The following NKD1 variants were observed in gnomAD, a reference collection of about 807,000 sequenced individuals.
NKD1 encodes NKD inhibitor of Wnt signaling pathway 1.
In NKD1, 21 loss-of-function variants were observed where a neutral mutation model predicts 56.0. The observed-to-expected ratio is 0.38, with a 90% CI of 0.27 to 0.54. The LOEUF (loss-of-function observed/expected upper bound fraction) is 0.54. Among genes scored for constraint, NKD1 ranks in the 20% least tolerant of loss-of-function variants. NKD1 has a pLI of 0.82. For missense variants in NKD1, 578 were observed against 642.7 expected (o/e 0.90, Z 1.09); for synonymous variants, 263 against 265.7 (o/e 0.99, Z 0.10).
chr16:50,644,111 C>G lies in NKD1; in HGVS notation c.*10330C>G, dbSNP rs1596772994. 2 of 152,392 alleles carry G rather than the reference C, an allele frequency of 1.3e-5. No homozygotes were observed. Among genetic ancestry groups the G allele is most frequent in the South Asian group, 4.1e-4 (2 of 4,834 alleles). 9.4% of individuals were successfully genotyped at this position (152,392 alleles called of 1,614,324 possible). A position where few individuals can be genotyped will look rare whatever the true frequency, so the allele number is the denominator to read the frequency against. ...GTCGGGCCACTCAGACTTTTCACTG[C>G]TCTGCGCATATCACGAATGAAGTGA... is the stretch of plus-strand genomic sequence containing the variant. On this transcript the variant is annotated 3_prime_UTR_variant, in exon 10 of 10. Coordinates refer to ENST00000268459, the MANE Select transcript of NKD1 (RefSeq NM_033119.5).
At chr16:50,548,642 T>A (rs1960292929) in intron 1 of NKD1, 64 bp downstream of exon 1, 3 of 1,458,838 alleles carry the variant, frequency 2.1e-6, no homozygotes, top group Non-Finnish European at 1.8e-6. Flanking sequence ...GGTCGCTAAC[T>A]CTCTCCCTTC....
At chr16:50,579,931 G>A (rs1025855557) in intron 3 of NKD1, among the ~76,000 whole-genome samples, 6 of 151,852 alleles carry the variant, frequency 4.0e-5, no homozygotes, top group Admixed American at 1.3e-4. Context: ...TTGGTCCCAC[G>A]GACTACCTGC....
At chr16:50,616,903 C>A (rs927281191) in intron 4 of NKD1, among the ~76,000 whole-genome samples, 5 of 152,322 alleles carry the variant, frequency 3.3e-5, no homozygotes, top group African/African-American at 9.6e-5. Context: ...TGGGGTTGTA[C>A]AGTGCACAGC....
chr16:50,611,612 G>C (rs540045463), intron 4 of NKD1, among the ~76,000 whole-genome samples: 2 of 152,212 alleles, frequency 1.3e-5, no homozygotes, highest in Admixed American at 1.3e-4. Context: ...GAGGCCTGGT[G>C]GGGGCTGAGC....
At position 50,643,183 on chromosome 16, in the gene NKD1, C is replaced by T. The variant is rs962627216; in HGVS notation, c.*9402C>T. 8 of 152,234 alleles carry T rather than the reference C, an allele frequency of 5.3e-5. No individual in the cohort carries two copies. The highest frequency in any genetic ancestry group is 1.0e-4 in the Non-Finnish European group (7 of 68,056). 9.4% of individuals were successfully genotyped at this position (152,234 alleles called of 1,614,324 possible). The stretch of plus-strand genomic sequence containing the variant: ...AGGATCGCTGAGGAGTCCACATTGC[C>T]ATATCTGCCACTTACAGAGTGCCTA... On this transcript the variant is annotated 3_prime_UTR_variant, in exon 10 of 10. Coordinates refer to ENST00000268459, the MANE Select transcript of NKD1 (RefSeq NM_033119.5).
intron 3 of NKD1, among the ~76,000 whole-genome samples, chr16:50,549,992 G>A (rs1157744036): frequency 6.6e-6 from 1 of 152,136 alleles, no homozygotes; most frequent in Non-Finnish European, 1.5e-5. Flanking sequence ...ATTGTCTGTG[G>A]CATTCATCAG....
chr16:50,576,769 G>A (rs1567338719), intron 3 of NKD1, among the ~76,000 whole-genome samples: 2 of 139,510 alleles, frequency 1.4e-5, no homozygotes, highest in African/African-American at 5.4e-5. Context: ...TTTAAAGAAT[G>A]ACTTATAAAA....
intron 3 of NKD1, chr16:50,573,754 A>T (rs1960935020): frequency 1.1e-6 from 1 of 945,188 alleles, no homozygotes; most frequent in Non-Finnish European, 1.3e-6. Flanking sequence ...GCTTGGGGAA[A>T]ATTGAATAAC....
intron 3 of NKD1, among the ~76,000 whole-genome samples, chr16:50,569,174 G>A (rs552411399): frequency 1.3e-5 from 2 of 152,304 alleles, no homozygotes; most frequent in South Asian, 4.1e-4. Flanking sequence ...ATAGTCTATG[G>A]GTTGGGCAGT....
At chr16:50,578,428 T>C (rs1035782914) in intron 3 of NKD1, among the ~76,000 whole-genome samples, 1 of 152,166 alleles carries the variant, frequency 6.6e-6, no homozygotes, top group African/African-American at 2.4e-5. Flanking sequence ...AGTACCAGCT[T>C]GAGTCGTTGT....
chr16:50,630,103 A>G (rs751264207), intron 6 of NKD1, 83 bp from the exon 7 acceptor site: 111 of 1,315,912 alleles, frequency 8.4e-5, no homozygotes, highest in Middle Eastern at 1.9e-4. Flanking sequence ...TCAGGCCTGC[A>G]GCGTCCACCA....
chr16:50,630,698 T>G (rs2151281001), intron 7 of NKD1, 128 bp from the exon 8 acceptor site: 1 of 749,974 alleles, frequency 1.3e-6, no homozygotes, highest in African/African-American at 1.8e-5. Context: ...GAGACCCCTT[T>G]ATTTAGCCCC....
At chr16:50,608,564 G>A (rs1961770785) in intron 4 of NKD1, 2 of 598,876 alleles carry the variant, frequency 3.3e-6, no homozygotes, top group Non-Finnish European at 6.1e-6. Flanking sequence ...TCCAAGCCCA[G>A]GTGGGGGTCC....
At chr16:50,604,835 C>G (rs1275518068) in intron 3 of NKD1, among the ~76,000 whole-genome samples, 3 of 152,256 alleles carry the variant, frequency 2.0e-5, no homozygotes, top group Non-Finnish European at 2.9e-5. Flanking sequence ...GGGCTGCCAG[C>G]CAGGGCTCAG....
intron 3 of NKD1, among the ~76,000 whole-genome samples, chr16:50,585,497 C>G (rs1414298267): frequency 6.6e-6 from 1 of 152,230 alleles, no homozygotes; most frequent in East Asian, 1.9e-4. Flanking sequence ...CCCTGGGCAG[C>G]AGGCCCGATG....
intron 3 of NKD1, among the ~76,000 whole-genome samples, chr16:50,567,901 T>G (rs1418901822): frequency 1.3e-5 from 2 of 152,268 alleles, no homozygotes; most frequent in Non-Finnish European, 2.9e-5. Context: ...AACTGGCCTC[T>G]GCCATATTTC....
intron 4 of NKD1, among the ~76,000 whole-genome samples, chr16:50,610,557 C>G (rs938871359): frequency 6.6e-6 from 1 of 152,234 alleles, no homozygotes; most frequent in African/African-American, 2.4e-5. Flanking sequence ...TCCCTCTGTG[C>G]TACTGACTAA....
chr16:50,571,698 C>A, intron 3 of NKD1: 1 of 200,432 alleles, frequency 5.0e-6, no homozygotes, highest in Non-Finnish European at 8.9e-6. Flanking sequence ...CACTGCTCAC[C>A]ATGGTCCCCA....
intron 3 of NKD1, among the ~76,000 whole-genome samples, chr16:50,570,070 T>C (rs1960848915): frequency 6.6e-6 from 1 of 152,216 alleles, no homozygotes; most frequent in Admixed American, 6.5e-5. Context: ...GAAAAGTATG[T>C]CAACTTTTTT....
Sources: allele counts gnomAD v4.1 joint callset (sites outside exome capture counted in the v4.1 genomes callset), GRCh38; gene constraint gnomAD v4.1.1; transcripts MANE v1.5; gene names NCBI Gene and HGNC (gene_info 2026-07-23, HGNC 2026-07-21).